Variants in SGCZ observed in about 807,000 individuals in gnomAD.
The protein encoded by SGCZ is zeta-sarcoglycan.
Under a neutral mutation model 41.3 loss-of-function variants are expected in SGCZ, and 40 were observed. The ratio of observed to expected loss-of-function variants is 0.97; its 90% CI spans 0.75 to 1.26. The LOEUF is 1.26. Ranked by LOEUF, SGCZ falls within the 50% of genes most tolerant of loss-of-function variation. The pLI is 0.00. For synonymous variants in SGCZ, 206 were observed against 137.5 expected, an observed-to-expected ratio of 1.50 and a Z score of -3.49; for missense variants, 552 against 369.8, an observed-to-expected ratio of 1.49 and a Z score of -4.04.
intron 2 of SGCZ, among the ~76,000 whole-genome samples, chr8:14,514,967 C>T (rs1208851076): frequency 6.6e-6 from 1 of 151,750 alleles, no homozygotes; most frequent in Non-Finnish European, 1.5e-5. Flanking sequence ...GCATCCAATT[C>T]CGATTATAAT....
intron 4 of SGCZ, among the ~76,000 whole-genome samples, chr8:14,178,942 T>C (rs1016773058): frequency 6.6e-5 from 10 of 152,170 alleles, no homozygotes; most frequent in Non-Finnish European, 1.5e-5. Context: ...CTGAGCCCAT[T>C]AATGGGAAAT....
intron 1 of SGCZ, among the ~76,000 whole-genome samples, chr8:14,721,112 T>C (rs968485006): frequency 6.6e-6 from 1 of 152,186 alleles, no homozygotes; most frequent in Non-Finnish European, 1.5e-5. Context: ...TCTTTAATTA[T>C]ATTTTCTAGT....
chr8:14,216,294 G>C (rs1805991244), intron 4 of SGCZ, among the ~76,000 whole-genome samples: 1 of 152,130 alleles, frequency 6.6e-6, no homozygotes, highest in South Asian at 2.1e-4. Flanking sequence ...GAGAAGTTTT[G>C]TGTCCTTTTC....
intron 3 of SGCZ, among the ~76,000 whole-genome samples, chr8:14,283,912 T>C (rs1800532974): frequency 6.6e-6 from 1 of 152,224 alleles, no homozygotes; most frequent in Non-Finnish European, 1.5e-5. Context: ...TTTTGTAGAA[T>C]TTGTTCTTGT....
chr8:15,088,069 T>C (rs1466046034), intron 1 of SGCZ, among the ~76,000 whole-genome samples: 2 of 152,078 alleles, frequency 1.3e-5, no homozygotes, highest in Non-Finnish European at 2.9e-5. Context: ...TCACCAATCA[T>C]ACTGAATAGA....
intron 1 of SGCZ, among the ~76,000 whole-genome samples, chr8:14,848,064 A>G (rs1286605154): frequency 6.6e-6 from 1 of 152,188 alleles, no homozygotes; most frequent in Non-Finnish European, 1.5e-5. Context: ...ATCAATATTA[A>G]ATGTATTTCC....
intron 1 of SGCZ, among the ~76,000 whole-genome samples, chr8:14,702,842 TAGATAGATA>T (rs1809198829): frequency 8.1e-6 from 1 of 123,454 alleles, no homozygotes; most frequent in East Asian, 2.3e-4. Context: ...GATAGATAGA[TAGATAGATA>T]GATAGATAGA....
chr8:14,413,373 T>A (rs752283702), intron 2 of SGCZ, among the ~76,000 whole-genome samples: 14 of 152,008 alleles, frequency 9.2e-5, no homozygotes, highest in Non-Finnish European at 1.8e-4. Flanking sequence ...TATATGTAGT[T>A]CTCTGCCCAA....
chr8:14,266,778 G>C (rs1283800029), intron 3 of SGCZ, among the ~76,000 whole-genome samples: 1 of 152,040 alleles, frequency 6.6e-6, no homozygotes, highest in Non-Finnish European at 1.5e-5. Context: ...CTAAGTAGAT[G>C]AGGTAAAAAC....
At chr8:14,761,020 T>A (rs532583455) in intron 1 of SGCZ, among the ~76,000 whole-genome samples, 22 of 152,268 alleles carry the variant, frequency 1.4e-4, no homozygotes, top group African/African-American at 4.6e-4. Flanking sequence ...ATTTCGAAGA[T>A]AAGTTGCAAC....
intron 1 of SGCZ, among the ~76,000 whole-genome samples, chr8:15,012,170 A>C (rs1802846561): frequency 6.6e-6 from 1 of 152,124 alleles, no homozygotes; most frequent in Non-Finnish European, 1.5e-5. Flanking sequence ...GGTATAAAAT[A>C]AATATTTTAT....
intron 1 of SGCZ, among the ~76,000 whole-genome samples, chr8:14,949,165 CT>C (rs2130832759): frequency 6.6e-6 from 1 of 152,182 alleles, no homozygotes; most frequent in East Asian, 1.9e-4. Context: ...AGTATATATA[CT>C]AAGTGTTTTA....
chr8:14,939,038 T>A (rs556303813), intron 1 of SGCZ, among the ~76,000 whole-genome samples: 1 of 151,882 alleles, frequency 6.6e-6, no homozygotes, highest in Non-Finnish European at 1.5e-5. Flanking sequence ...CTCCATGGAG[T>A]AGTCAGAGGC....
At chr8:14,392,133 C>T (rs1804800084) in intron 2 of SGCZ, among the ~76,000 whole-genome samples, 1 of 152,010 alleles carries the variant, frequency 6.6e-6, no homozygotes, top group Admixed American at 6.6e-5. Context: ...TATAATATTT[C>T]AGATAAATCA....
Position 15,222,411 on chromosome 8 carries a change from A to G in SGCZ, c.39+15174T>C, listed in dbSNP as rs368667463. On this transcript the variant is annotated intron_variant, in intron 1 of 7. Coordinates refer to ENST00000382080, the MANE Select transcript of SGCZ (RefSeq NM_139167.4). ...CAAGGCTTAACTGGGAGGCACTTCC[A>G]GTTTTTCTGTCATGGAAAATATTCC... Among the ~76,000 whole-genome samples the G allele has an allele frequency of 1.6e-4, 24 of 152,164 alleles. No homozygotes were observed. In the East Asian group the frequency reaches 3.1e-3, roughly 20 times the overall value.
intron 1 of SGCZ, among the ~76,000 whole-genome samples, chr8:14,629,345 G>A (rs575239742): frequency 7.7e-6 from 1 of 129,806 alleles, no homozygotes; most frequent in African/African-American, 2.8e-5. Context: ...TAGTAGGTAA[G>A]ATTAATGTAA....
At chr8:15,148,064 A>G (rs1585612944) in intron 1 of SGCZ, among the ~76,000 whole-genome samples, 1 of 98,952 alleles carries the variant, frequency 1.0e-5, no homozygotes, top group East Asian at 2.4e-4. Flanking sequence ...CTCAAGGACC[A>G]ACCAAGTCTC....
chr8:14,384,181 G>A (rs1804480689), intron 2 of SGCZ, among the ~76,000 whole-genome samples: 1 of 151,856 alleles, frequency 6.6e-6, no homozygotes, highest in Non-Finnish European at 1.5e-5. Flanking sequence ...TGTTCTCATT[G>A]TTCAATTCCC....
intron 4 of SGCZ, among the ~76,000 whole-genome samples, chr8:14,182,862 T>C (rs1042241836): frequency 2.0e-5 from 3 of 151,626 alleles, no homozygotes; most frequent in African/African-American, 7.3e-5. Flanking sequence ...ATACAAAAAT[T>C]AGCTGAGCGG....
Sources: allele counts gnomAD v4.1 joint callset (sites outside exome capture counted in the v4.1 genomes callset), GRCh38; gene constraint gnomAD v4.1.1; transcripts MANE v1.5; gene names NCBI Gene and HGNC (gene_info 2026-07-23, HGNC 2026-07-21).